Variants in ZC3H12C observed in about 807,000 individuals in gnomAD.
ZC3H12C encodes probable ribonuclease ZC3H12C.
Under a neutral mutation model 76.3 loss-of-function variants are expected in ZC3H12C, and 20 were observed. The ratio of observed to expected loss-of-function variants is 0.26; its 90% CI spans 0.18 to 0.38. The LOEUF is 0.38. Among genes scored for constraint, ZC3H12C ranks in the 10% least tolerant of loss-of-function variants. The pLI is 1.00. For synonymous variants in ZC3H12C, 352 were observed against 399.6 expected (o/e 0.88, Z 1.42); for missense variants, 874 against 1,086.5 (o/e 0.80, Z 2.75).
chr11:110,111,820 G>C (rs1861436049), intron 1 of ZC3H12C, among the ~76,000 whole-genome samples: 1 of 151,414 alleles, frequency 6.6e-6, no homozygotes, highest in Non-Finnish European at 1.5e-5. Flanking sequence ...TGAGATTACA[G>C]GCGTGAACCA....
At chr11:110,160,611 C>T (rs662661) in intron 4 of ZC3H12C, among the ~76,000 whole-genome samples, 103,605 of 151,830 alleles carry the variant, frequency 0.68, 36,298 homozygotes, top group South Asian at 0.78. Context: ...TCCTCCACCC[C>T]CACATATTGT....
intron 2 of ZC3H12C, among the ~76,000 whole-genome samples, chr11:110,145,070 C>T (rs1281028738): frequency 1.3e-5 from 2 of 152,184 alleles, no homozygotes; most frequent in Non-Finnish European, 2.9e-5. Flanking sequence ...CATTGCATTA[C>T]AATATGTGGT....
chr11:110,111,860 T>C (rs1861436999), intron 1 of ZC3H12C, among the ~76,000 whole-genome samples: 1 of 152,006 alleles, frequency 6.6e-6, no homozygotes, highest in Non-Finnish European at 1.5e-5. Context: ...GCTTTTTGAT[T>C]ACCAAATCCA....
intron 4 of ZC3H12C, 149 bp downstream of exon 4, chr11:110,159,639 C>T (rs1166901583): frequency 1.4e-6 from 1 of 720,152 alleles, no homozygotes; most frequent in African/African-American, 1.8e-5. Flanking sequence ...CAGTGGGAGT[C>T]AGGAAAACTG....
chr11:110,125,724 G>A (rs923618468), intron 1 of ZC3H12C, among the ~76,000 whole-genome samples: 5 of 152,082 alleles, frequency 3.3e-5, no homozygotes, highest in Non-Finnish European at 7.4e-5. Flanking sequence ...GGAATGCCCC[G>A]CCACCATCTC....
chr11:110,110,495 G>C (rs1861406316), intron 1 of ZC3H12C, among the ~76,000 whole-genome samples: 1 of 152,102 alleles, frequency 6.6e-6, no homozygotes, highest in Non-Finnish European at 1.5e-5. Context: ...TTAAAGCTTA[G>C]GAAATAATAA....
chr11:110,102,560 G>A (rs77059529), intron 1 of ZC3H12C, among the ~76,000 whole-genome samples: 1 of 152,114 alleles, frequency 6.6e-6, no homozygotes, highest in Non-Finnish European at 1.5e-5. Context: ...AAGATGCCGT[G>A]AACCATTGTG....
intron 4 of ZC3H12C, among the ~76,000 whole-genome samples, chr11:110,160,971 G>T (rs1862468776): frequency 6.6e-6 from 1 of 151,278 alleles, no homozygotes. Flanking sequence ...TGAGTAGCTG[G>T]AATTACAGGC....
chr11:110,156,929 C>T (rs1408907591), intron 3 of ZC3H12C, among the ~76,000 whole-genome samples: 1 of 152,136 alleles, frequency 6.6e-6, no homozygotes, highest in African/African-American at 2.4e-5. Context: ...ACCTGTAATC[C>T]CAGCACTTTG....
chr11:110,119,848 C>T (rs745887376), intron 1 of ZC3H12C, among the ~76,000 whole-genome samples: 24 of 152,128 alleles, frequency 1.6e-4, no homozygotes, highest in Non-Finnish European at 4.4e-5. Context: ...TTCACAAGTG[C>T]GGAACCTTGT....
chr11:110,157,687 C>T (rs1565267668), intron 3 of ZC3H12C, among the ~76,000 whole-genome samples: 1 of 152,140 alleles, frequency 6.6e-6, no homozygotes, highest in African/African-American at 2.4e-5. Flanking sequence ...CTGCCTGCCT[C>T]AGCCTCCCAA....
At position 110,170,664 on chromosome 11, in the gene ZC3H12C, T is replaced by G. The variant is rs1366721647; in HGVS notation, c.*4927T>G. 6.6e-6 allele frequency: 1 copy of G among 152,242 alleles called. No individual in the cohort carries two copies. The highest frequency in any genetic ancestry group is 2.1e-4 in the South Asian group (1 of 4,834). 9.4% of individuals were successfully genotyped at this position (152,242 alleles called of 1,614,324 possible). A position where few individuals can be genotyped will look rare whatever the true frequency, so the allele number is the denominator to read the frequency against. On this transcript the variant is annotated 3_prime_UTR_variant, in exon 6 of 6. Transcript: ENST00000278590. Reference sequence around the variant, plus strand: ...GAATGATATTCTTCATATGATCATATGTAATTTTGAATTCGTTGGAAGTAC... The same window carrying G: ...GAATGATATTCTTCATATGATCATAGGTAATTTTGAATTCGTTGGAAGTAC...
rs1301765938 is a variant in ZC3H12C at position 110,169,337 on chromosome 11, T to TGG, written c.*3602_*3603dup. The TGG allele has an allele frequency of 6.7e-4, 61 of 90,374 alleles. No individual in the cohort carries two copies. The highest frequency in any genetic ancestry group is 2.0e-3 in the African/African-American group (48 of 24,158). The allele number at this position is 90,374 out of a possible 1,614,324, so 5.6% of individuals were successfully genotyped here. A position where few individuals can be genotyped will look rare whatever the true frequency, so the allele number is the denominator to read the frequency against. ...TTTGTGACAGGTGGGAGGATGGCTC[T>TGG]GGGTGTGTGTGTGTGTGTGTGTGTG... On this transcript the variant is annotated 3_prime_UTR_variant, in exon 6 of 6. Transcript: ENST00000278590.
intron 1 of ZC3H12C, among the ~76,000 whole-genome samples, chr11:110,114,735 T>TA (rs1861494006): frequency 1.3e-5 from 2 of 152,240 alleles, no homozygotes; most frequent in Non-Finnish European, 2.9e-5. Flanking sequence ...AGAACTAAGG[T>TA]ATTTTATATT....
intron 3 of ZC3H12C, among the ~76,000 whole-genome samples, chr11:110,153,902 C>G (rs649847): frequency 0.69 from 104,821 of 152,188 alleles, 36,907 homozygotes; most frequent in South Asian, 0.79. Flanking sequence ...AATTATTGTT[C>G]TTGAACATTT....
At chr11:110,116,968 G>T (rs753398099) in intron 1 of ZC3H12C, among the ~76,000 whole-genome samples, 2 of 152,138 alleles carry the variant, frequency 1.3e-5, no homozygotes, top group African/African-American at 2.4e-5. Context: ...GTACCCTGGA[G>T]TTTATTAGTA....
At chr11:110,130,511 G>T (rs1423213974) in intron 1 of ZC3H12C, among the ~76,000 whole-genome samples, 1 of 151,964 alleles carries the variant, frequency 6.6e-6, no homozygotes, top group Non-Finnish European at 1.5e-5. Flanking sequence ...TTAAAGACAG[G>T]GATTACTGCA....
chr11:110,119,163 A>G (rs536517531), intron 1 of ZC3H12C, among the ~76,000 whole-genome samples: 89 of 152,360 alleles, frequency 5.8e-4, no homozygotes, highest in Non-Finnish European at 1.0e-3. Context: ...AGATCAGTGG[A>G]ACACAACTGG....
At chr11:110,121,600 CT>C (rs5794665) in intron 1 of ZC3H12C, among the ~76,000 whole-genome samples, 107,340 of 151,194 alleles carry the variant, frequency 0.71, 38,300 homozygotes, top group East Asian at 0.89. Context: ...ACAGCAGTTC[CT>C]TTTTTTTTTC....
Sources: gnomAD v4.1 joint callset for allele counts (sites outside exome capture counted in the v4.1 genomes callset) on GRCh38, gnomAD v4.1.1 for gene constraint, MANE v1.5 for transcripts, NCBI Gene and HGNC (gene_info 2026-07-23, HGNC 2026-07-21) for gene names.